Variants in DOCK7 observed in about 807,000 individuals in gnomAD.
The protein encoded by DOCK7 is dedicator of cytokinesis 7.
DOCK7 carries 138 observed loss-of-function variants against 271.0 expected under a neutral mutation model. The ratio of observed to expected loss-of-function variants is 0.51; its 90% CI spans 0.44 to 0.59. The LOEUF (loss-of-function observed/expected upper bound fraction) is 0.59. DOCK7 is among the 20% of genes least tolerant of loss of function. DOCK7 has a pLI of 0.00. For missense variants in DOCK7, 2,066 were observed against 2,592.4 expected (o/e 0.80, Z 4.41); for synonymous variants, 823 against 876.1 (o/e 0.94, Z 1.07).
intron 19 of DOCK7, among the ~76,000 whole-genome samples, chr1:62,559,654 T>C (rs1260836849): frequency 1.3e-5 from 2 of 152,150 alleles, no homozygotes; most frequent in African/African-American, 4.8e-5. Context: ...AAAATCTATA[T>C]ACTACCAACT....
chr1:62,597,367 G>T, intron 14 of DOCK7: 2 of 526,478 alleles, frequency 3.8e-6, no homozygotes, highest in Non-Finnish European at 6.6e-6. Context: ...TCATTTCTTT[G>T]ATTTCATTTA....
chr1:62,617,621 A>G (rs143922755), intron 14 of DOCK7, among the ~76,000 whole-genome samples: 2 of 152,034 alleles, frequency 1.3e-5, no homozygotes, highest in East Asian at 3.8e-4. Flanking sequence ...AAGAGAACAG[A>G]AGTAAAATAT....
intron 31 of DOCK7, among the ~76,000 whole-genome samples, chr1:62,520,150 T>G (rs914476975): frequency 6.6e-6 from 1 of 152,004 alleles, no homozygotes; most frequent in Admixed American, 6.6e-5. Context: ...TAAAAACCCT[T>G]GAAGAAAACC....
chr1:62,613,187 A>C (rs1652009973), intron 14 of DOCK7, among the ~76,000 whole-genome samples: 1 of 152,252 alleles, frequency 6.6e-6, no homozygotes, highest in Non-Finnish European at 1.5e-5. Context: ...GTTAACAATT[A>C]CACTAGTACT....
At chr1:62,527,922 C>T (rs919444577) in intron 31 of DOCK7, among the ~76,000 whole-genome samples, 8 of 150,518 alleles carry the variant, frequency 5.3e-5, no homozygotes, top group Non-Finnish European at 7.4e-5. Context: ...GGCAATTTTC[C>T]AAATTCTGAA....
At chr1:62,515,170 AT>A (rs1435814974) in intron 31 of DOCK7, among the ~76,000 whole-genome samples, 1 of 151,426 alleles carries the variant, frequency 6.6e-6, no homozygotes, top group Non-Finnish European at 1.5e-5. Context: ...CACCAGAAGT[AT>A]TTTGTAATAA....
chr1:62,656,151 A>T (rs1657990878), intron 2 of DOCK7, among the ~76,000 whole-genome samples: 1 of 152,262 alleles, frequency 6.6e-6, no homozygotes, highest in Non-Finnish European at 1.5e-5. Context: ...ATAAAAAATG[A>T]ACCCCAATCT....
chr1:62,604,293 T>C, intron 14 of DOCK7: 1 of 1,588,238 alleles, frequency 6.3e-7, no homozygotes, highest in Middle Eastern at 1.7e-4. Context: ...CTTCCCACAT[T>C]ATTAGCTATT....
intron 14 of DOCK7, chr1:62,598,824 T>G: frequency 7.0e-7 from 1 of 1,430,338 alleles, no homozygotes; most frequent in Admixed American, 1.7e-5. Flanking sequence ...AGTATTTTAA[T>G]GGTATGTCCC....
intron 7 of DOCK7, among the ~76,000 whole-genome samples, chr1:62,647,091 T>A (rs1349347092): frequency 6.6e-6 from 1 of 152,210 alleles, no homozygotes; most frequent in Non-Finnish European, 1.5e-5. Context: ...TCTGTCCCTA[T>A]GAGTTGCTTG....
chr1:62,529,551 C>T, intron 29 of DOCK7, 105 bp from the exon 30 acceptor site: 1 of 795,718 alleles, frequency 1.3e-6, no homozygotes. Context: ...AAATTTTGTT[C>T]AATTTCTTAC....
chr1:62,514,470 T>C (rs1644599198), intron 31 of DOCK7, among the ~76,000 whole-genome samples: 5 of 152,128 alleles, frequency 3.3e-5, no homozygotes, highest in African/African-American at 9.7e-5. Context: ...TATTAGTATA[T>C]AGTATGTAAA....
chr1:62,616,390 T>A (rs973040745), intron 14 of DOCK7, among the ~76,000 whole-genome samples: 3 of 151,730 alleles, frequency 2.0e-5, no homozygotes, highest in Non-Finnish European at 4.4e-5. Context: ...TTAAAAAAAA[T>A]TAAACAAATA....
intron 22 of DOCK7, among the ~76,000 whole-genome samples, chr1:62,549,927 T>G (rs1486873669): frequency 6.6e-6 from 1 of 152,182 alleles, no homozygotes; most frequent in African/African-American, 2.4e-5. Context: ...ATGTGAAGCT[T>G]GTCTTTCTGT....
chr1:62,464,805 A>G (rs558137640), intron 48 of DOCK7, among the ~76,000 whole-genome samples: 1 of 152,330 alleles, frequency 6.6e-6, no homozygotes, highest in South Asian at 2.1e-4. Flanking sequence ...ATTTAACAAC[A>G]TAATTTGCAA....
intron 14 of DOCK7, among the ~76,000 whole-genome samples, chr1:62,611,383 T>G (rs961707713): frequency 3.3e-5 from 5 of 152,222 alleles, no homozygotes; most frequent in Admixed American, 2.6e-4. Context: ...GGAATATCTT[T>G]ATACTCACGG....
chr1:62,688,235 C>T lies in DOCK7; in HGVS notation c.30G>A (p.Lys10=), dbSNP rs760870648. The T allele has an allele frequency of 4.4e-5, 61 of 1,376,782 alleles. 2 individuals carry two copies. The African/African-American group carries it at 8.3e-4, about 19-fold the overall frequency. 85.3% of individuals were successfully genotyped at this position (1,376,782 alleles called of 1,614,324 possible). ...CCACGCCGGATATTTACCTGCTGAT[C>T]TTCTGGGCGAAGGCGCGGCGCTCGG... The part of the protein sequence containing the change: MAERRAFAQ[K]ISRTVAAEVR... The change falls in exon 1 of 50, where the codon AAG becomes AAA. Residue 10 remains lysine, a synonymous_variant. Transcript: ENST00000635253.
intron 31 of DOCK7, among the ~76,000 whole-genome samples, chr1:62,521,144 C>G (rs1299193829): frequency 1.3e-5 from 2 of 151,952 alleles, no homozygotes; most frequent in Non-Finnish European, 2.9e-5. Flanking sequence ...GGAGAAATAC[C>G]TAATGTAATT....
intron 2 of DOCK7, among the ~76,000 whole-genome samples, chr1:62,654,370 T>C (rs1288364197): frequency 6.6e-6 from 1 of 152,342 alleles, no homozygotes; most frequent in African/African-American, 2.4e-5. Context: ...CTCTCTTTAA[T>C]GTCCTTGCTG....
Sources: allele counts gnomAD v4.1 joint callset (sites outside exome capture counted in the v4.1 genomes callset), GRCh38; gene constraint gnomAD v4.1.1; transcripts MANE v1.5; gene names NCBI Gene and HGNC (gene_info 2026-07-23, HGNC 2026-07-21).